SYT16: variants seen among roughly 807,000 people sequenced by gnomAD.
SYT16 encodes synaptotagmin-16.
In SYT16, 42 loss-of-function variants were observed where a neutral mutation model predicts 61.4. That is an observed-to-expected ratio of 0.68 (90% CI 0.53 to 0.89). The LOEUF (loss-of-function observed/expected upper bound fraction) is 0.89. SYT16 is among the 40% of genes least tolerant of loss of function. The pLI is 0.00. For synonymous variants in SYT16, 314 were observed against 302.3 expected (o/e 1.04, Z -0.40); for missense variants, 804 against 807.3 (o/e 1.00, Z 0.05).
chr14:62,045,635 A>T (rs2054942963), intron 3 of SYT16, among the ~76,000 whole-genome samples: 1 of 151,980 alleles, frequency 6.6e-6, no homozygotes, highest in East Asian at 1.9e-4. Context: ...CCGGTGTGTG[A>T]TGTTCCCCTT....
chr14:62,079,620 T>C (rs1049034223), intron 5 of SYT16, among the ~76,000 whole-genome samples: 4 of 152,362 alleles, frequency 2.6e-5, no homozygotes, highest in Admixed American at 2.6e-4. Flanking sequence ...CATTGTATTA[T>C]AATTTGAAAC....
At chr14:61,873,414 C>A (rs1037533021) in intron 1 of SYT16, among the ~76,000 whole-genome samples, 1 of 152,126 alleles carries the variant, frequency 6.6e-6, no homozygotes, top group Non-Finnish European at 1.5e-5. Flanking sequence ...CTTAACAAAC[C>A]GTCTTTCCTT....
intron 1 of SYT16, among the ~76,000 whole-genome samples, chr14:61,923,268 C>CT (rs912642645): frequency 6.6e-6 from 1 of 152,038 alleles, no homozygotes; most frequent in Non-Finnish European, 1.5e-5. Flanking sequence ...CTCTCTCTAC[C>CT]TTTTTTAGCA....
chr14:61,994,423 G>A (rs1379046531), intron 2 of SYT16, among the ~76,000 whole-genome samples: 2 of 152,100 alleles, frequency 1.3e-5, no homozygotes, highest in Non-Finnish European at 2.9e-5. Context: ...TAGCTCACTA[G>A]GTGTTTCTGA....
chr14:61,894,591 A>G (rs2048261184), intron 1 of SYT16, among the ~76,000 whole-genome samples: 1 of 152,192 alleles, frequency 6.6e-6, no homozygotes, highest in Non-Finnish European at 1.5e-5. Flanking sequence ...GTGAGATGGA[A>G]TAATTTAACT....
At chr14:62,096,524 A>T (rs576983519) in intron 7 of SYT16, among the ~76,000 whole-genome samples, 111 of 152,276 alleles carry the variant, frequency 7.3e-4, no homozygotes, top group African/African-American at 2.5e-3. Context: ...AAGATAAAAT[A>T]AATGAATCAC....
At chr14:62,020,811 C>T (rs985234659) in intron 3 of SYT16, among the ~76,000 whole-genome samples, 4 of 152,204 alleles carry the variant, frequency 2.6e-5, no homozygotes, top group African/African-American at 9.6e-5. Context: ...TGCTGGCACA[C>T]ACCACCTATG....
intron 3 of SYT16, among the ~76,000 whole-genome samples, chr14:62,057,765 A>G (rs1022088024): frequency 4.6e-5 from 7 of 152,182 alleles, no homozygotes; most frequent in Non-Finnish European, 1.0e-4. Context: ...CTTTTAAGCT[A>G]CTTAAAAAAA....
intron 3 of SYT16, among the ~76,000 whole-genome samples, chr14:62,026,683 C>T (rs2140783779): frequency 6.6e-6 from 1 of 152,304 alleles, no homozygotes; most frequent in Non-Finnish European, 1.5e-5. Context: ...GAGGCAGCAG[C>T]ATGTCTGTCT....
intron 1 of SYT16, among the ~76,000 whole-genome samples, chr14:61,860,860 G>C (rs2046941179): frequency 6.6e-6 from 1 of 152,208 alleles, no homozygotes; most frequent in African/African-American, 2.4e-5. Flanking sequence ...GTGTGGTTTT[G>C]CTAAGTGGGC....
intron 3 of SYT16, among the ~76,000 whole-genome samples, chr14:62,000,860 A>G (rs2052986133): frequency 6.6e-6 from 1 of 152,088 alleles, no homozygotes; most frequent in African/African-American, 2.4e-5. Context: ...GATGTCATAT[A>G]TTTTAGTCTT....
At chr14:62,076,981 A>G (rs762678541) in intron 5 of SYT16, among the ~76,000 whole-genome samples, 4 of 152,200 alleles carry the variant, frequency 2.6e-5, no homozygotes, top group Non-Finnish European at 4.4e-5. Flanking sequence ...CCTCCTATCT[A>G]TTTTGAGAAA....
chr14:61,881,208 A>C (rs2140319138), intron 1 of SYT16, among the ~76,000 whole-genome samples: 1 of 152,342 alleles, frequency 6.6e-6, no homozygotes, highest in East Asian at 1.9e-4. Context: ...ATTTCCAGTA[A>C]CATACAAATG....
At chr14:61,882,817 C>T (rs975483280) in intron 1 of SYT16, among the ~76,000 whole-genome samples, 1 of 152,174 alleles carries the variant, frequency 6.6e-6, no homozygotes, top group Non-Finnish European at 1.5e-5. Context: ...TGGGTAAATA[C>T]ACCTGTTCCA....
At chr14:61,879,279 C>A (rs532431540) in intron 1 of SYT16, among the ~76,000 whole-genome samples, 3 of 152,282 alleles carry the variant, frequency 2.0e-5, no homozygotes, top group African/African-American at 7.2e-5. Context: ...CTTTTCTTGT[C>A]TCTCCTACTT....
intron 3 of SYT16, among the ~76,000 whole-genome samples, chr14:62,030,449 C>T (rs563854984): frequency 1.8e-4 from 28 of 152,244 alleles, no homozygotes; most frequent in South Asian, 1.0e-3. Flanking sequence ...ATGAATTGTA[C>T]GGAGACAAGT....
At chr14:62,036,390 T>A (rs2054508929) in intron 3 of SYT16, among the ~76,000 whole-genome samples, 1 of 151,932 alleles carries the variant, frequency 6.6e-6, no homozygotes, top group African/African-American at 2.4e-5. Context: ...GTTGAATACA[T>A]GTGTCAAGAG....
chr14:61,835,441 G>T (rs555800122), intron 1 of SYT16, among the ~76,000 whole-genome samples: 1 of 151,600 alleles, frequency 6.6e-6, no homozygotes, highest in Non-Finnish European at 1.5e-5. Flanking sequence ...TGTATTCTTA[G>T]TAGAGATGGG....
At chr14:62,078,048 CAG>C (rs1163720443) in intron 5 of SYT16, among the ~76,000 whole-genome samples, 4 of 151,864 alleles carry the variant, frequency 2.6e-5, no homozygotes, top group African/African-American at 7.3e-5. Context: ...GTGAAAACCA[CAG>C]AGAGTGTGAT....
Sources: allele counts gnomAD v4.1 joint callset (sites outside exome capture counted in the v4.1 genomes callset), GRCh38; gene constraint gnomAD v4.1.1; transcripts MANE v1.5; gene names NCBI Gene and HGNC (gene_info 2026-07-23, HGNC 2026-07-21).